CCN4: variants seen among roughly 807,000 people sequenced by gnomAD.
CCN4 encodes CCN family member 4.
In CCN4, 30 loss-of-function variants were observed where a neutral mutation model predicts 36.7. That is an observed-to-expected ratio of 0.82 (90% CI 0.61 to 1.11). CCN4 has a LOEUF of 1.11. Among genes scored for constraint, CCN4 ranks in the 50% least tolerant of loss-of-function variants. The pLI, the probability that CCN4 is intolerant of heterozygous loss-of-function variation, is 0.00. For synonymous variants in CCN4, 191 were observed against 195.4 expected, an observed-to-expected ratio of 0.98 and a Z score of 0.19; for missense variants, 505 against 504.9, an observed-to-expected ratio of 1.00 and a Z score of 0.00.
intron 1 of CCN4, among the ~76,000 whole-genome samples, chr8:133,194,720 G>GA (rs1360095612): frequency 1.9e-5 from 1 of 53,468 alleles, no homozygotes; most frequent in Non-Finnish European, 3.4e-5. Flanking sequence ...TGTGTGTGGG[G>GA]ATGTGTGTAG....
intron 1 of CCN4, among the ~76,000 whole-genome samples, chr8:133,194,818 G>T (rs534768898): frequency 2.8e-5 from 4 of 144,220 alleles, no homozygotes; most frequent in South Asian, 2.3e-4. Flanking sequence ...TGTGTGTGGT[G>T]TGTGTGGTAC....
At chr8:133,212,783 C>T in intron 1 of CCN4, 81 bp from the exon 2 acceptor site, 1 of 1,089,786 alleles carries the variant, frequency 9.2e-7, no homozygotes. Context: ...AGCATGAGGA[C>T]AGGAATGCAA....
chr8:133,209,952 A>T (rs1266541576), intron 1 of CCN4, among the ~76,000 whole-genome samples: 1 of 152,216 alleles, frequency 6.6e-6, no homozygotes, highest in African/African-American at 2.4e-5. Flanking sequence ...CCAAGGCCAC[A>T]CGGAAAGAAC....
At chr8:133,204,313 G>A (rs918458731) in intron 1 of CCN4, among the ~76,000 whole-genome samples, 2 of 152,196 alleles carry the variant, frequency 1.3e-5, no homozygotes, top group Admixed American at 6.5e-5. Flanking sequence ...ATGTTCTGCA[G>A]GTCTGCGTGA....
intron 2 of CCN4, 85 bp from the exon 3 acceptor site, chr8:133,220,496 G>A (rs1420567894): frequency 1.9e-6 from 3 of 1,549,044 alleles, no homozygotes; most frequent in East Asian, 4.6e-5. Flanking sequence ...ATTGGGGCAT[G>A]GTCCACATGG....
intron 2 of CCN4, among the ~76,000 whole-genome samples, chr8:133,218,666 TC>T (rs1475833015): frequency 6.6e-6 from 1 of 152,162 alleles, no homozygotes; most frequent in Non-Finnish European, 1.5e-5. Context: ...CACTGCAGAT[TC>T]CAAACTGCTT....
chr8:133,203,256 G>A (rs1437274237), intron 1 of CCN4, among the ~76,000 whole-genome samples: 1 of 152,224 alleles, frequency 6.6e-6, no homozygotes, highest in Non-Finnish European at 1.5e-5. Flanking sequence ...CTCTTCTGGG[G>A]GCCCTTGGCA....
At chr8:133,216,331 T>C (rs1410807061) in intron 2 of CCN4, among the ~76,000 whole-genome samples, 2 of 152,166 alleles carry the variant, frequency 1.3e-5, no homozygotes, top group African/African-American at 4.8e-5. Context: ...GTAATAAAAA[T>C]GAGCCATTGC....
chr8:133,210,976 T>C (rs965776196), intron 1 of CCN4, among the ~76,000 whole-genome samples: 2 of 152,198 alleles, frequency 1.3e-5, no homozygotes, highest in Non-Finnish European at 2.9e-5. Context: ...AAATCAAGCC[T>C]ATGGGAGATG....
intron 3 of CCN4, 124 bp from the exon 4 acceptor site, chr8:133,225,266 G>A: frequency 1.0e-6 from 1 of 969,968 alleles, no homozygotes; most frequent in Admixed American, 2.5e-5. Context: ...TGTCCTGTGG[G>A]GAGGTACAGC....
At chr8:133,192,873 G>A (rs1285885779) in intron 1 of CCN4, among the ~76,000 whole-genome samples, 1 of 152,246 alleles carries the variant, frequency 6.6e-6, no homozygotes, top group African/African-American at 2.4e-5. Context: ...CTCAGCCAGA[G>A]GAGACCAGCA....
At chr8:133,201,095 C>T (rs1036008220) in intron 1 of CCN4, among the ~76,000 whole-genome samples, 1 of 152,210 alleles carries the variant, frequency 6.6e-6, no homozygotes, top group Non-Finnish European at 1.5e-5. Flanking sequence ...AGTTACCTTA[C>T]AGTGTGGCCC....
intron 1 of CCN4, among the ~76,000 whole-genome samples, chr8:133,204,820 AG>A (rs1189423848): frequency 6.6e-6 from 1 of 152,200 alleles, no homozygotes; most frequent in Non-Finnish European, 1.5e-5. Context: ...CCTCCCAAAC[AG>A]CTGGGATTAC....
At chr8:133,206,261 C>T (rs781421606) in intron 1 of CCN4, among the ~76,000 whole-genome samples, 3 of 152,196 alleles carry the variant, frequency 2.0e-5, no homozygotes, top group Non-Finnish European at 4.4e-5. Context: ...ACATACGTGC[C>T]CCAGATATTC....
At chr8:133,211,648 G>A (rs534938322) in intron 1 of CCN4, among the ~76,000 whole-genome samples, 1 of 152,270 alleles carries the variant, frequency 6.6e-6, no homozygotes, top group East Asian at 1.9e-4. Flanking sequence ...CTTCCAGATG[G>A]AGGGAGCAGC....
At chr8:133,195,030 G>A (rs1008658914) in intron 1 of CCN4, among the ~76,000 whole-genome samples, 24 of 144,104 alleles carry the variant, frequency 1.7e-4, no homozygotes, top group African/African-American at 2.6e-4. Flanking sequence ...TGTGGTATGC[G>A]TGTGTATGCA....
At chr8:133,224,914 A>G (rs1385534474) in intron 3 of CCN4, among the ~76,000 whole-genome samples, 2 of 149,506 alleles carry the variant, frequency 1.3e-5, no homozygotes, top group Non-Finnish European at 3.0e-5. Context: ...CAGCCTAGGC[A>G]ACAAGAGTGA....
At chr8:133,222,726 A>G (rs952548875) in intron 3 of CCN4, among the ~76,000 whole-genome samples, 4 of 151,564 alleles carry the variant, frequency 2.6e-5, no homozygotes, top group Admixed American at 1.3e-4. Flanking sequence ...TTTCTAGAGG[A>G]AAGTGCTTAC....
intron 1 of CCN4, among the ~76,000 whole-genome samples, chr8:133,211,466 T>C (rs938992258): frequency 1.3e-5 from 2 of 152,258 alleles, no homozygotes; most frequent in South Asian, 2.1e-4. Context: ...GAGATTAATT[T>C]GCATCTTGGC....
Sources: allele counts gnomAD v4.1 joint callset (sites outside exome capture counted in the v4.1 genomes callset), GRCh38; gene constraint gnomAD v4.1.1; transcripts MANE v1.5; gene names NCBI Gene and HGNC (gene_info 2026-07-23, HGNC 2026-07-21).